RIN2: variants seen among roughly 807,000 people sequenced by gnomAD.
RIN2 encodes Ras and Rab interactor 2, also known as RAB5 interacting protein 2.
Under a neutral mutation model 78.0 loss-of-function variants are expected in RIN2, and 36 were observed. The observed-to-expected ratio is 0.46, with a 90% CI of 0.35 to 0.61. RIN2 has a LOEUF of 0.61. Among genes scored for constraint, RIN2 ranks in the 20% least tolerant of loss-of-function variants. The probability of loss-of-function intolerance (pLI) is 0.00; values close to 1 mark genes in which losing one functional copy is unlikely to be tolerated. For missense variants in RIN2, 1,087 were observed against 1,159.7 expected, an observed-to-expected ratio of 0.94 and a Z score of 0.91; for synonymous variants, 466 against 466.8, an observed-to-expected ratio of 1.00 and a Z score of 0.02.
chr20:19,922,576 T>A (rs1038040434), intron 3 of RIN2, among the ~76,000 whole-genome samples: 1 of 152,202 alleles, frequency 6.6e-6, no homozygotes, highest in African/African-American at 2.4e-5. Flanking sequence ...ATCAATGCCT[T>A]GAGGTCCCCC....
In RIN2 at chr20:19,970,846, T is replaced by A. The variant is rs1439756892; in HGVS notation, c.545T>A (p.Leu182Gln). 3 of 1,612,262 alleles carry A rather than the reference T, an allele frequency of 1.9e-6. No homozygotes were observed. The African/African-American group carries it at 4.0e-5, about 22-fold the overall frequency. Residue 182 changes from leucine to glutamine, a missense_variant, in exon 8 of 13, where the codon CTA becomes CAA. Coordinates refer to ENST00000255006, the MANE Select transcript of RIN2 (RefSeq NM_018993.4). ...TTTTTCTGAACAATCAGGGATGTTC[T>A]ACCATTTACCTTGAAGTTGCCTTAT... ...IAFYCISRDVLPFTLKLPYAI... is the reference protein window; with the variant it reads ...IAFYCISRDVQPFTLKLPYAI...
Position 19,960,783 on chromosome 20 carries a change from G to T in RIN2, c.435G>T (p.Lys145Asn), listed in dbSNP as rs1215514858. 1.2e-6 allele frequency: 2 copies of T among 1,600,518 alleles called. No individual in the cohort carries two copies. Among genetic ancestry groups the T allele is most frequent in the East Asian group, 2.2e-5 (1 of 44,510 alleles). The change falls in exon 6 of 13, where the codon AAG (lysine) becomes AAT (asparagine). Residue 145 changes from lysine (K) to asparagine (N), a missense_variant. Lys to Asn is a moderately conservative substitution (Grantham distance 94). Coordinates refer to ENST00000255006, the MANE Select transcript of RIN2 (RefSeq NM_018993.4). ...RLPCEFGAPLKEFAIKESTYT... is the reference protein window; with the variant it reads ...RLPCEFGAPLNEFAIKESTYT... ...CCTGTGAATTTGGGGCCCCACTCAA[G>T]GAATTTGCCATAAAGGAAAGCACAT...
chr20:19,852,509 G>A (rs1330902643), intron 2 of RIN2, among the ~76,000 whole-genome samples: 1 of 152,192 alleles, frequency 6.6e-6, no homozygotes, highest in African/African-American at 2.4e-5. Flanking sequence ...TGGAGAGCAA[G>A]CAAGAAGCAT....
chr20:19,899,108 T>C (rs1286902914), intron 3 of RIN2, among the ~76,000 whole-genome samples: 1 of 152,206 alleles, frequency 6.6e-6, no homozygotes, highest in African/African-American at 2.4e-5. Context: ...GCCACTTCTA[T>C]TATGCCTCTC....
At chr20:19,889,479 G>A in intron 2 of RIN2, 87 bp from the exon 3 acceptor site, 2 of 1,308,790 alleles carry the variant, frequency 1.5e-6, no homozygotes, top group East Asian at 5.3e-5. Context: ...AAAAGATCTT[G>A]GCAGGACTGT....
rs543426689 is a variant in RIN2 at position 19,853,956 on chromosome 20, T to C, written c.-36-35610T>C. On this transcript the variant is annotated intron_variant, in intron 2 of 12. Coordinates refer to ENST00000255006, the MANE Select transcript of RIN2 (RefSeq NM_018993.4). Reference sequence around the variant, plus strand: ...GTTTTAGTCATGAAGTCGTTGCCCATGCCTATGTCCTGAATGGTATTGCCT... The same window carrying C: ...GTTTTAGTCATGAAGTCGTTGCCCACGCCTATGTCCTGAATGGTATTGCCT... 3.9e-5 allele frequency among the ~76,000 whole-genome samples: 6 copies of C among 152,362 alleles called. No individual in the cohort carries two copies. The East Asian group carries it at 1.2e-3, about 29-fold the overall frequency.
chr20:19,801,032 A>G (rs2122710729), intron 2 of RIN2, among the ~76,000 whole-genome samples: 1 of 152,344 alleles, frequency 6.6e-6, no homozygotes, highest in African/African-American at 2.4e-5. Context: ...AACTGCTCTC[A>G]GAGAAAGCAA....
At chr20:19,792,351 T>TACA (rs2034914159) in intron 1 of RIN2, among the ~76,000 whole-genome samples, 2 of 152,156 alleles carry the variant, frequency 1.3e-5, no homozygotes, top group African/African-American at 4.8e-5. Context: ...CTTAACCAAA[T>TACA]ATTGACTGAG....
In RIN2 at chr20:19,996,715, C is replaced by G; in HGVS notation, c.2237C>G (p.Ser746Cys). 2 of 1,614,020 alleles carry G rather than the reference C, an allele frequency of 1.2e-6. No homozygotes were observed. Among genetic ancestry groups the G allele is most frequent in the Non-Finnish European group, 1.7e-6 (2 of 1,179,896 alleles). ...TTGACAAGCGCATATGGAGCACTTT[C>G]TCTGATAAAGAATTTCCAAGAAGAA... The part of the protein sequence containing the change: ...YYLTSAYGAL[S>C]LIKNFQEEQA... The change falls in exon 12 of 13, where the codon TCT (serine) becomes TGT (cysteine). Residue 746 changes from serine to cysteine, a missense_variant. By Grantham distance (112) the Ser-to-Cys change is moderately radical (BLOSUM62 -1). Coordinates refer to ENST00000255006, the MANE Select transcript of RIN2 (RefSeq NM_018993.4).
At chr20:19,869,459 G>A (rs1159256580) in intron 2 of RIN2, among the ~76,000 whole-genome samples, 6 of 152,194 alleles carry the variant, frequency 3.9e-5, no homozygotes, top group African/African-American at 9.6e-5. Flanking sequence ...CCAGGGAAGG[G>A]CCAAACCAAG....
intron 2 of RIN2, among the ~76,000 whole-genome samples, chr20:19,821,903 T>C (rs1318508363): frequency 6.6e-6 from 1 of 152,168 alleles, no homozygotes; most frequent in Non-Finnish European, 1.5e-5. Flanking sequence ...CCTGGGACAT[T>C]ATAGATGTTC....
At chr20:19,850,034 A>G (rs1473670126) in intron 2 of RIN2, among the ~76,000 whole-genome samples, 2 of 152,148 alleles carry the variant, frequency 1.3e-5, no homozygotes, top group African/African-American at 4.8e-5. Context: ...GTAAATCTCA[A>G]AGTGCTCTGA....
chr20:19,843,991 T>C (rs1261846589), intron 2 of RIN2, among the ~76,000 whole-genome samples: 1 of 152,186 alleles, frequency 6.6e-6, no homozygotes, highest in African/African-American at 2.4e-5. Flanking sequence ...TTTGGGCAAA[T>C]TAACAATCTT....
intron 9 of RIN2, among the ~76,000 whole-genome samples, chr20:19,989,320 T>C (rs576768453): frequency 2.0e-5 from 3 of 147,262 alleles, no homozygotes; most frequent in African/African-American, 7.6e-5. Context: ...GTCACCCAGG[T>C]TGGAGTGCAG....
At chr20:19,908,746 T>C (rs2039334943) in intron 3 of RIN2, among the ~76,000 whole-genome samples, 1 of 152,188 alleles carries the variant, frequency 6.6e-6, no homozygotes. Context: ...TTGGCGGCCC[T>C]CCTTCCATTC....
At chr20:19,853,487 A>C (rs918430464) in intron 2 of RIN2, among the ~76,000 whole-genome samples, 20 of 152,176 alleles carry the variant, frequency 1.3e-4, no homozygotes, top group East Asian at 5.8e-4. Flanking sequence ...GAACTAGTTT[A>C]CAGTCCCACC....
intron 8 of RIN2, among the ~76,000 whole-genome samples, chr20:19,971,735 A>ATTTTTTTTTTTTTTTTTTTTTT (rs61019165): frequency 2.2e-5 from 2 of 91,532 alleles, no homozygotes; most frequent in African/African-American, 9.9e-5. Context: ...TGAAACTGCA[A>ATTTTTTTTTTTTTTTTTTTTTT]TTTTTTTTTT....
At chr20:19,952,373 A>T (rs1222058889) in intron 4 of RIN2, among the ~76,000 whole-genome samples, 5 of 152,222 alleles carry the variant, frequency 3.3e-5, no homozygotes, top group Non-Finnish European at 5.9e-5. Flanking sequence ...CACCAGTAGC[A>T]TCCCCTACAT....
At chr20:19,973,012 T>C (rs1196193071) in intron 8 of RIN2, among the ~76,000 whole-genome samples, 1 of 152,252 alleles carries the variant, frequency 6.6e-6, no homozygotes, top group East Asian at 1.9e-4. Context: ...TCATATCATG[T>C]ATTCGAAACC....
Sources: allele counts gnomAD v4.1 joint callset (sites outside exome capture counted in the v4.1 genomes callset), GRCh38; gene constraint gnomAD v4.1.1; transcripts MANE v1.5; gene names NCBI Gene and HGNC (gene_info 2026-07-23, HGNC 2026-07-21).